The following ALG1 variants were observed in gnomAD, a reference collection of about 807,000 sequenced individuals.
ALG1 encodes the protein chitobiosyldiphosphodolichol beta-mannosyltransferase.
Under a neutral mutation model 55.1 loss-of-function variants are expected in ALG1, and 58 were observed. The ratio of observed to expected loss-of-function variants is 1.05; its 90% CI spans 0.85 to 1.31. The LOEUF is 1.31. Ranked by LOEUF, ALG1 falls within the 50% of genes most tolerant of loss-of-function variation. The pLI, the probability that ALG1 is intolerant of heterozygous loss-of-function variation, is 0.00. For missense variants in ALG1, 761 were observed against 598.6 expected (o/e 1.27, Z -2.83); for synonymous variants, 309 against 247.0 (o/e 1.25, Z -2.35).
chr16:5,084,518 T>C, intron 12 of ALG1: 2 of 700,226 alleles, frequency 2.9e-6, no homozygotes, highest in East Asian at 2.7e-5. Context: ...CGGGAGGTGC[T>C]CCAGGGCACC....
At chr16:5,080,658 C>T (rs1957000214) in intron 9 of ALG1, among the ~76,000 whole-genome samples, 1 of 152,224 alleles carries the variant, frequency 6.6e-6, no homozygotes, top group Non-Finnish European at 1.5e-5. Context: ...TGGGTCCACC[C>T]AGTGGGCGGT....
chr16:5,076,378 C>T (rs1262714957), intron 4 of ALG1, among the ~76,000 whole-genome samples: 2 of 152,242 alleles, frequency 1.3e-5, no homozygotes, highest in Admixed American at 1.3e-4. Context: ...GCACCTGCTG[C>T]ATGCCAGTCC....
intron 6 of ALG1, chr16:5,078,285 C>A (rs528273512): frequency 1.8e-5 from 12 of 668,008 alleles, no homozygotes; most frequent in African/African-American, 1.6e-4. Flanking sequence ...TATTTACTCT[C>A]TGGCCCTTTA....
intron 6 of ALG1, chr16:5,078,261 C>T (rs907610625): frequency 9.6e-5 from 66 of 688,118 alleles, no homozygotes; most frequent in African/African-American, 2.1e-4. Context: ...ACCTGTGGCC[C>T]GCAAAGCCTG....
At chr16:5,078,039 G>C in intron 6 of ALG1, 22 bp downstream of exon 6, 2 of 1,596,412 alleles carry the variant, frequency 1.3e-6, no homozygotes, top group Non-Finnish European at 1.7e-6. Context: ...ATCCTCAGCT[G>C]CCTTCTCTCC....
In ALG1 at chr16:5,071,896, C is replaced by T. The variant is rs909063603; in HGVS notation, c.47C>T (p.Pro16Leu). The T allele has an allele frequency of 3.1e-6, 5 of 1,600,790 alleles. No homozygotes were observed. Among genetic ancestry groups the T allele is most frequent in the African/African-American group, 1.3e-5 (1 of 74,790 alleles). The change falls in exon 1 of 13, where the codon CCG (proline) becomes CTG (leucine). Residue 16 changes from proline to leucine, a missense_variant. Transcript: ENST00000262374. ...LVLLALCLLL[P>L]LLLLGGWKRW... ...CTGCTGGCGCTGTGTCTGCTGCTGC[C>T]GCTGCTGCTGCTGGGAGGATGGAAG...
chr16:5,084,352 T>C, intron 12 of ALG1: 1 of 389,442 alleles, frequency 2.6e-6, no homozygotes, highest in South Asian at 2.4e-5. Flanking sequence ...GGGCTGGATT[T>C]GGCCTGCAGG....
chr16:5,074,188 C>T (rs1395009677), intron 3 of ALG1, among the ~76,000 whole-genome samples: 1 of 151,684 alleles, frequency 6.6e-6, no homozygotes, highest in Non-Finnish European at 1.5e-5. Context: ...CTCTGTTGCT[C>T]AGGCTGGAGT....
chr16:5,081,107 C>CAACGGGGGGGGG, intron 10 of ALG1, 51 bp downstream of exon 10: 5 of 283,568 alleles, frequency 1.8e-5, no homozygotes, highest in Non-Finnish European at 3.2e-5. Context: ...ACAGGGTGGG[C>CAACGGGGGGGGG]GGGATGTACT....
At position 5,083,690 on chromosome 16, in the gene ALG1, A is replaced by T; in HGVS notation, c.1196A>T (p.Glu399Val). ...CTTGGTTCTCTCTGCAGTTTACATGAGCTGGTGAAACATGAAGAAAATGGC... is the reference window on the plus strand; with the variant it reads ...CTTGGTTCTCTCTGCAGTTTACATGTGCTGGTGAAACATGAAGAAAATGGC... ...VCAVNFKCLH[E>V]LVKHEENGLV... is the part of the protein sequence containing the mutation. Residue 399 changes from glutamate (E) to valine (V), a missense_variant, in exon 12 of 13, where the codon GAG (glutamate) becomes GTG (valine). Transcript: ENST00000262374. 6.2e-7 allele frequency: 1 copy of T among 1,600,648 alleles called. No homozygotes were observed. The highest frequency in any genetic ancestry group is 1.1e-5 in the South Asian group (1 of 90,986).
intron 6 of ALG1, 47 bp from the exon 7 acceptor site, chr16:5,078,710 C>T (rs370196860): frequency 2.3e-4 from 363 of 1,611,928 alleles, no homozygotes; most frequent in Non-Finnish European, 2.9e-4. Flanking sequence ...TCCTGGGTCC[C>T]GGGCCTGCTC....
chr16:5,081,794 T>C (rs1957021144), intron 10 of ALG1, among the ~76,000 whole-genome samples: 1 of 152,004 alleles, frequency 6.6e-6, no homozygotes, highest in Non-Finnish European at 1.5e-5. Flanking sequence ...ACTCCTGACC[T>C]CAAGTGATCC....
intron 10 of ALG1, among the ~76,000 whole-genome samples, chr16:5,081,538 G>A (rs1957017834): frequency 6.6e-6 from 1 of 152,214 alleles, no homozygotes; most frequent in African/African-American, 2.4e-5. Flanking sequence ...AGAGCAGTTG[G>A]AGGCTGAAGG....
chr16:5,077,012 C>G (rs906951956), intron 4 of ALG1, among the ~76,000 whole-genome samples: 1 of 151,968 alleles, frequency 6.6e-6, no homozygotes, highest in Non-Finnish European at 1.5e-5. Flanking sequence ...CCAGGCTGGT[C>G]TCGAACTCCT....
At chr16:5,084,500 G>T (rs540579534) in intron 12 of ALG1, 9 of 636,022 alleles carry the variant, frequency 1.4e-5, no homozygotes, top group Non-Finnish European at 2.2e-5. Flanking sequence ...TGGGCAGCAC[G>T]TAGAGGCCGG....
intron 10 of ALG1, among the ~76,000 whole-genome samples, chr16:5,081,578 CTT>C: frequency 6.6e-6 from 1 of 152,314 alleles, no homozygotes; most frequent in African/African-American, 2.4e-5. Flanking sequence ...TCCACCTAGT[CTT>C]TGTTTTAGAC....
At chr16:5,077,736 T>G (rs1311544608) in intron 5 of ALG1, among the ~76,000 whole-genome samples, 171 bp from the exon 6 acceptor site, 1 of 152,208 alleles carries the variant, frequency 6.6e-6, no homozygotes, top group African/African-American at 2.4e-5. Context: ...CCAGGCAGTT[T>G]TGGTCCTAGG....
intron 3 of ALG1, among the ~76,000 whole-genome samples, chr16:5,074,760 G>T (rs1956878878): frequency 6.6e-6 from 1 of 152,186 alleles, no homozygotes; most frequent in Non-Finnish European, 1.5e-5. Flanking sequence ...TCTCCCCCAT[G>T]CTTACCATCA....
intron 4 of ALG1, among the ~76,000 whole-genome samples, chr16:5,076,829 C>CT (rs1219208929): frequency 4.6e-5 from 6 of 131,076 alleles, no homozygotes; most frequent in African/African-American, 1.7e-4. Flanking sequence ...CAGTCTCACT[C>CT]TATGTCCCAG....
Sources: allele counts gnomAD v4.1 joint callset (sites outside exome capture counted in the v4.1 genomes callset), GRCh38; gene constraint gnomAD v4.1.1; transcripts MANE v1.5; gene names NCBI Gene and HGNC (gene_info 2026-07-23, HGNC 2026-07-21).